TRAF3IP2: variants seen among roughly 807,000 people sequenced by gnomAD.
TRAF3IP2 encodes E3 ubiquitin ligase TRAF3IP2.
In TRAF3IP2, 35 loss-of-function variants were observed where a neutral mutation model predicts 57.9. That is an observed-to-expected ratio of 0.60 (90% CI 0.46 to 0.80). TRAF3IP2 has a LOEUF of 0.80. Ranked by LOEUF, TRAF3IP2 falls within the 30% of genes least tolerant of loss-of-function variation. The pLI is 0.00. For synonymous variants in TRAF3IP2, 251 were observed against 268.9 expected (o/e 0.93, Z 0.65); for missense variants, 556 against 706.4 (o/e 0.79, Z 2.41).
chr6:111,572,769 C>A, intron 5 of TRAF3IP2, 126 bp downstream of exon 5: 1 of 751,352 alleles, frequency 1.3e-6, no homozygotes, highest in Admixed American at 2.3e-5. Context: ...GCATTCAATG[C>A]ATAATCACAT....
intron 3 of TRAF3IP2, chr6:111,577,046 TGATTAA>T (rs1198754502): frequency 1.3e-5 from 2 of 150,858 alleles, no homozygotes; most frequent in Non-Finnish European, 3.0e-5. Flanking sequence ...AAAATATGAA[TGATTAA>T]GATTATTTTT....
At position 111,556,144 on chromosome 6, in the gene TRAF3IP2, G is replaced by A. The variant is rs900762547; in HGVS notation, c.*3261C>T. 6.6e-6 allele frequency among the ~76,000 whole-genome samples: 1 copy of A among 151,676 alleles called. No individual in the cohort carries two copies. The highest frequency in any genetic ancestry group is 1.5e-5 in the Non-Finnish European group (1 of 67,974). On this transcript the variant is annotated 3_prime_UTR_variant, in exon 9 of 9. Coordinates refer to ENST00000368761, the MANE Select transcript of TRAF3IP2 (RefSeq NM_147686.4). ...AAATGCTTTGATGTTGGTGGTCATC[G>A]GATCTCATAGAAATTTCAGGGGCCA...
chr6:111,594,417 A>G (rs1225907790), intron 1 of TRAF3IP2: 2 of 403,770 alleles, frequency 5.0e-6, no homozygotes, highest in Non-Finnish European at 9.8e-6. Flanking sequence ...TTCAGGTACA[A>G]CTATTTCCAT....
At chr6:111,592,122 C>G in intron 1 of TRAF3IP2, 28 bp from the exon 2 acceptor site, 1 of 1,572,244 alleles carries the variant, frequency 6.4e-7, no homozygotes, top group Non-Finnish European at 8.7e-7. Context: ...ATGCTATAGC[C>G]TTAGAAGACA....
chr6:111,563,974 A>G (rs1795537612), intron 7 of TRAF3IP2, among the ~76,000 whole-genome samples: 1 of 152,232 alleles, frequency 6.6e-6, no homozygotes, highest in Admixed American at 6.5e-5. Flanking sequence ...GCTTTCAGTC[A>G]TCTGATGAGA....
At chr6:111,580,481 G>A (rs1583230437) in intron 2 of TRAF3IP2, 92 bp from the exon 3 acceptor site, 1 of 1,233,596 alleles carries the variant, frequency 8.1e-7, no homozygotes, top group Non-Finnish European at 1.1e-6. Flanking sequence ...TTTGTGTCTT[G>A]ATCCCAGCTG....
rs200875646 is a variant in TRAF3IP2, at chr6:111,575,853, A to G, written c.1023-32T>C. ...AGGAATACATTTACAGTCAATTTTC[A>G]TTCTTTACAAAGGCAAACCTTCAGG... On this transcript the variant is annotated intron_variant, in intron 3 of 8. Transcript: ENST00000368761. 2.5e-6 allele frequency: 4 copies of G among 1,597,466 alleles called. No individual in the cohort carries two copies. The East Asian group carries it at 6.7e-5, about 27-fold the overall frequency.
chr6:111,594,663 C>T (rs1272979289), intron 1 of TRAF3IP2: 1 of 301,000 alleles, frequency 3.3e-6, no homozygotes, highest in Non-Finnish European at 6.7e-6. Context: ...ACCTGTAACC[C>T]CAGCACTTTG....
chr6:111,601,359 T>C, intron 1 of TRAF3IP2: 1 of 526,982 alleles, frequency 1.9e-6, no homozygotes, highest in South Asian at 2.9e-5. Context: ...TCATTAAATT[T>C]TAATCATTAA....
intron 1 of TRAF3IP2, among the ~76,000 whole-genome samples, chr6:111,603,143 G>A (rs147888669): frequency 6.6e-6 from 1 of 152,264 alleles, no homozygotes; most frequent in Non-Finnish European, 1.5e-5. Context: ...AGAGTGAGCT[G>A]AGTAGTCACA....
At chr6:111,566,294 C>A in intron 7 of TRAF3IP2, 150 bp downstream of exon 7, 3 of 663,020 alleles carry the variant, frequency 4.5e-6, no homozygotes, top group Non-Finnish European at 8.0e-6. Context: ...GAGCCAGAAC[C>A]AACAGCTCCT....
chr6:111,601,152 A>G, intron 1 of TRAF3IP2: 3 of 759,476 alleles, frequency 4.0e-6, no homozygotes, highest in Non-Finnish European at 7.4e-6. Context: ...AAGCCACATA[A>G]CCCCTAGGAG....
intron 1 of TRAF3IP2, among the ~76,000 whole-genome samples, chr6:111,603,984 T>C (rs1253415948): frequency 6.6e-6 from 1 of 152,252 alleles, no homozygotes; most frequent in Non-Finnish European, 1.5e-5. Context: ...ACAGTTAGCC[T>C]GCTTTCAGAT....
At position 111,573,070 on chromosome 6, in the gene TRAF3IP2, C is replaced by G; in HGVS notation, c.1202-87G>C. On this transcript the variant is annotated intron_variant, in intron 4 of 8. Coordinates refer to ENST00000368761, the MANE Select transcript of TRAF3IP2 (RefSeq NM_147686.4). ...CTAAATTATATGCAATATCTTTTGTCCTTCTAGAATAATAAGAGGAAACCT... is the reference window on the plus strand; with the variant it reads ...CTAAATTATATGCAATATCTTTTGTGCTTCTAGAATAATAAGAGGAAACCT... The G allele has an allele frequency of 1.2e-5, 13 of 1,075,298 alleles. No homozygotes were observed. The South Asian group carries it at 1.4e-4, about 11-fold the overall frequency. The allele number at this position is 1,075,298 out of a possible 1,614,324, so 66.6% of individuals were successfully genotyped here. A position where few individuals can be genotyped will look rare whatever the true frequency, so the allele number is the denominator to read the frequency against.
At chr6:111,578,022 T>C (rs1168642646) in intron 3 of TRAF3IP2, among the ~76,000 whole-genome samples, 1 of 152,138 alleles carries the variant, frequency 6.6e-6, no homozygotes. Context: ...CTAGCTCCTC[T>C]ACCTGAACTT....
chr6:111,560,762 C>T (rs1424223894), intron 8 of TRAF3IP2, among the ~76,000 whole-genome samples: 2 of 152,194 alleles, frequency 1.3e-5, no homozygotes, highest in Admixed American at 6.5e-5. Context: ...TTTTGTATAT[C>T]GCCATGCTCC....
intron 4 of TRAF3IP2, chr6:111,573,528 G>A (rs1325566120): frequency 6.5e-6 from 1 of 153,932 alleles, no homozygotes; most frequent in Non-Finnish European, 1.4e-5. Flanking sequence ...CACTTTTGCA[G>A]AAAGGCCAGC....
chr6:111,600,804 A>G (rs1017760835), intron 1 of TRAF3IP2: 11 of 164,016 alleles, frequency 6.7e-5, no homozygotes, highest in African/African-American at 2.4e-4. Context: ...AAACTGACAT[A>G]CTTAAGGAAC....
intron 1 of TRAF3IP2, among the ~76,000 whole-genome samples, chr6:111,595,244 A>T (rs531626242): frequency 6.6e-6 from 1 of 152,280 alleles, no homozygotes; most frequent in Non-Finnish European, 1.5e-5. Context: ...AAAAGAAAAT[A>T]AAATAAACTG....
Sources: allele counts gnomAD v4.1 joint callset (sites outside exome capture counted in the v4.1 genomes callset), GRCh38; gene constraint gnomAD v4.1.1; transcripts MANE v1.5; gene names NCBI Gene and HGNC (gene_info 2026-07-23, HGNC 2026-07-21).